MYO16: variants seen among roughly 807,000 people sequenced by gnomAD.
MYO16 encodes unconventional myosin-XVI.
Under a neutral mutation model 205.3 loss-of-function variants are expected in MYO16, and 94 were observed. The ratio of observed to expected loss-of-function variants is 0.46; its 90% CI spans 0.39 to 0.54. MYO16 has a LOEUF of 0.54. MYO16 is among the 20% of genes least tolerant of loss of function. The pLI is 0.00. For synonymous variants in MYO16, 988 were observed against 954.0 expected (o/e 1.04, Z -0.66); for missense variants, 2,315 against 2,387.5 (o/e 0.97, Z 0.63).
At chr13:109,072,713 C>T (rs1001897790) in intron 27 of MYO16, among the ~76,000 whole-genome samples, 15 of 152,030 alleles carry the variant, frequency 9.9e-5, no homozygotes, top group Admixed American at 5.9e-4. Flanking sequence ...ACATGGATGG[C>T]GGAGTTGGGC....
chr13:108,533,174 G>A, the MYO16 span, among the ~76,000 whole-genome samples: 2 of 152,174 alleles, frequency 1.3e-5, no homozygotes, highest in Non-Finnish European at 1.5e-5. Flanking sequence ...GGGTAAGGGG[G>A]TTTACATAGC....
chr13:108,529,853 C>A, the MYO16 span, among the ~76,000 whole-genome samples: 1 of 152,208 alleles, frequency 6.6e-6, no homozygotes, highest in Non-Finnish European at 1.5e-5. Flanking sequence ...CTAAGTTGAT[C>A]TGGTAACCCA....
intron 4 of MYO16, among the ~76,000 whole-genome samples, chr13:108,761,628 C>T (rs577203972): frequency 6.6e-6 from 1 of 152,260 alleles, no homozygotes; most frequent in African/African-American, 2.4e-5. Context: ...AAGGCATCCG[C>T]TTGAGTCTCA....
intron 2 of MYO16, 124 bp downstream of exon 2, chr13:108,666,273 A>G (rs1881726063): frequency 1.8e-6 from 2 of 1,090,858 alleles, no homozygotes; most frequent in Non-Finnish European, 2.5e-6. Context: ...GGAGGCTACT[A>G]TCTTTTAACT....
chr13:108,624,528 T>A lies in MYO16; in HGVS notation c.-39+28289T>A, dbSNP rs187811002. 1.3e-3 allele frequency among the ~76,000 whole-genome samples: 194 copies of A among 152,258 alleles called. 1 individual carries two copies. Among genetic ancestry groups the A allele is most frequent in the African/African-American group, 4.4e-3 (184 of 41,538 alleles). On this transcript the variant is annotated intron_variant, in intron 1 of 24. Coordinates refer to the MYO16 transcript ENST00000251041. ...CACCATTAAGATATGCAAACTTTTGTCCAAGGTCAAACACCTGAAATGGAA... is the reference window on the plus strand; with the variant it reads ...CACCATTAAGATATGCAAACTTTTGACCAAGGTCAAACACCTGAAATGGAA...
intron 33 of MYO16, among the ~76,000 whole-genome samples, chr13:109,178,294 C>G (rs916949838): frequency 6.6e-6 from 1 of 152,104 alleles, no homozygotes; most frequent in Non-Finnish European, 1.5e-5. Context: ...AGAGACCCCC[C>G]CCACCCACTA....
chr13:108,678,946 A>G (rs1272175719), intron 2 of MYO16, among the ~76,000 whole-genome samples: 3 of 152,148 alleles, frequency 2.0e-5, no homozygotes, highest in Non-Finnish European at 4.4e-5. Flanking sequence ...CAGTTCATCA[A>G]TGGCAGCTTC....
intron 4 of MYO16, among the ~76,000 whole-genome samples, chr13:108,768,187 T>A (rs1458842441): frequency 6.6e-6 from 1 of 152,192 alleles, no homozygotes; most frequent in Non-Finnish European, 1.5e-5. Context: ...TCCGTTTGAA[T>A]CTTTTCCTAC....
chr13:108,587,592 A>C, the MYO16 span, among the ~76,000 whole-genome samples: 1 of 152,320 alleles, frequency 6.6e-6, no homozygotes, highest in Non-Finnish European at 1.5e-5. Flanking sequence ...ATTGAGATTG[A>C]CAAGGTATAT....
rs117025729 is a variant in MYO16, at chr13:108,804,343, T to A, written c.742-2336T>A. 6.2e-4 allele frequency among the ~76,000 whole-genome samples: 95 copies of A among 152,336 alleles called. No individual in the cohort carries two copies. The South Asian group carries it at 0.018, about 30-fold the overall frequency. On this transcript the variant is annotated intron_variant, in intron 6 of 34. Transcript: ENST00000457511. Reference sequence around the variant, plus strand: ...TGCTGCTAGTTCACAGCAGAAATGATAACCACCTCTGTGTTTCTCACAGGG... The same window carrying A: ...TGCTGCTAGTTCACAGCAGAAATGAAAACCACCTCTGTGTTTCTCACAGGG...
intron 3 of MYO16, among the ~76,000 whole-genome samples, chr13:108,725,257 G>T (rs1884299979): frequency 6.6e-6 from 1 of 152,098 alleles, no homozygotes; most frequent in African/African-American, 2.4e-5. Context: ...TCTAACAGGT[G>T]TATCTCTTCT....
chr13:109,131,958 G>A (rs903946789), intron 31 of MYO16, among the ~76,000 whole-genome samples: 2 of 152,176 alleles, frequency 1.3e-5, no homozygotes, highest in East Asian at 1.9e-4. Context: ...AGCAACAGCC[G>A]AGACATGGCA....
chr13:108,766,777 A>G (rs868710587), intron 4 of MYO16, among the ~76,000 whole-genome samples: 1 of 152,078 alleles, frequency 6.6e-6, no homozygotes, highest in African/African-American at 2.4e-5. Flanking sequence ...TTTTATGAAA[A>G]CAGTTTGCTG....
At chr13:108,978,471 T>C (rs1394924407) in intron 20 of MYO16, among the ~76,000 whole-genome samples, 1 of 152,078 alleles carries the variant, frequency 6.6e-6, no homozygotes, top group Non-Finnish European at 1.5e-5. Flanking sequence ...TTTCTTTCTT[T>C]ATTAGGAAGA....
intron 28 of MYO16, among the ~76,000 whole-genome samples, chr13:109,117,416 A>C (rs1875756185): frequency 7.1e-6 from 1 of 139,958 alleles, no homozygotes; most frequent in African/African-American, 2.5e-5. Context: ...ATATGTGTAT[A>C]TATGTATATG....
chr13:108,906,121 A>T (rs1880961871), intron 15 of MYO16, among the ~76,000 whole-genome samples: 1 of 152,118 alleles, frequency 6.6e-6, no homozygotes, highest in African/African-American at 2.4e-5. Flanking sequence ...GTATGTTAAC[A>T]TTGCTCTTTA....
At chr13:108,701,839 G>A (rs575000658) in intron 2 of MYO16, among the ~76,000 whole-genome samples, 1 of 151,980 alleles carries the variant, frequency 6.6e-6, no homozygotes, top group Non-Finnish European at 1.5e-5. Context: ...TATGAAAGTG[G>A]TATCTCCCCA....
chr13:109,118,383 A>T (rs1239060728), intron 28 of MYO16, among the ~76,000 whole-genome samples: 1 of 152,206 alleles, frequency 6.6e-6, no homozygotes, highest in Non-Finnish European at 1.5e-5. Context: ...GTAAGAGATC[A>T]TACTCATTTT....
chr13:108,753,464 C>T (rs1223774666), intron 4 of MYO16, among the ~76,000 whole-genome samples: 1 of 150,232 alleles, frequency 6.7e-6, no homozygotes, highest in Non-Finnish European at 1.5e-5. Context: ...GAGTCTGTCT[C>T]TTTATGAGTT....
Sources: allele counts gnomAD v4.1 joint callset (sites outside exome capture counted in the v4.1 genomes callset), GRCh38; gene constraint gnomAD v4.1.1; transcripts MANE v1.5; gene names NCBI Gene and HGNC (gene_info 2026-07-23, HGNC 2026-07-21).